The following PER2 variants were observed in gnomAD, a reference collection of about 807,000 sequenced individuals.
PER2 encodes period circadian regulator 2.
In PER2, 66 loss-of-function variants were observed where a neutral mutation model predicts 121.0. The ratio of observed to expected loss-of-function variants is 0.55; its 90% confidence interval spans 0.45 to 0.67. The LOEUF (loss-of-function observed/expected upper bound fraction) is 0.67. Ranked by LOEUF, PER2 falls within the 30% of genes least tolerant of loss-of-function variation. The probability of loss-of-function intolerance (pLI) is 0.00; values close to 1 mark genes in which losing one functional copy is unlikely to be tolerated. For synonymous variants in PER2, 684 were observed against 659.9 expected (o/e 1.04, Z -0.56); for missense variants, 1,521 against 1,635.0 (o/e 0.93, Z 1.20).
chr2:238,266,346 G>GC (rs1696112275), intron 8 of PER2, among the ~76,000 whole-genome samples: 1 of 149,786 alleles, frequency 6.7e-6, no homozygotes. Flanking sequence ...GGTCTCAAAT[G>GC]CCCAGGCTCA....
intron 22 of PER2, chr2:238,247,219 T>C (rs768844653): frequency 6.6e-6 from 1 of 152,314 alleles, no homozygotes; most frequent in South Asian, 2.1e-4. Context: ...TGACTTCTGA[T>C]TCTAGGTCCT....
chr2:238,245,647 G>T lies in PER2; in HGVS notation c.*728C>A, dbSNP rs1467776328. On this transcript the variant is annotated 3_prime_UTR_variant, in exon 23 of 23. Coordinates refer to ENST00000254657, the MANE Select transcript of PER2 (RefSeq NM_022817.3). ...CTGAAAAGGAGACAAGAATAATGCA[G>T]AAATATACAGAGGGTCTGTCTGCGT... 2 of 398,506 alleles carry T rather than the reference G, an allele frequency of 5.0e-6. No homozygotes were observed. Among genetic ancestry groups the T allele is most frequent in the Non-Finnish European group, 8.8e-6 (2 of 226,084 alleles). 24.7% of individuals were successfully genotyped at this position (398,506 alleles called of 1,614,324 possible).
At chr2:238,251,887 T>G (rs1574839882) in intron 19 of PER2, 126 bp from the exon 20 acceptor site, 4 of 827,950 alleles carry the variant, frequency 4.8e-6, no homozygotes, top group East Asian at 2.6e-5. Context: ...GGCTGCAAGG[T>G]TCACGGCCAG....
At position 238,288,003 on chromosome 2, in the gene PER2, C is replaced by T. The variant is rs111811061; in HGVS notation, c.-20+346G>A. The stretch of plus-strand genomic sequence containing the variant: ...GGTCCAGGGGAGGCAAAGGGGCGAA[C>T]ATTAGAGGGTCTCCCCGCCCTCAGG... On this transcript the variant is annotated intron_variant, in intron 1 of 22. Coordinates refer to ENST00000254657, the MANE Select transcript of PER2 (RefSeq NM_022817.3). 4.0e-3 allele frequency among the ~76,000 whole-genome samples: 612 copies of T among 152,318 alleles called. 6 individuals are homozygous for T. Among genetic ancestry groups the T allele is most frequent in the African/African-American group, 0.014 (581 of 41,574 alleles).
Position 238,277,030 on chromosome 2 carries a change from C to G in PER2, c.293+101G>C, listed in dbSNP as rs1454168551. 2.0e-5 allele frequency: 18 copies of G among 889,804 alleles called. No individual in the cohort carries two copies. The East Asian group carries it at 3.8e-4, about 19-fold the overall frequency. The allele number at this position is 889,804 out of a possible 1,614,324, so 55.1% of individuals were successfully genotyped here. A position where few individuals can be genotyped will look rare whatever the true frequency, so the allele number is the denominator to read the frequency against. On this transcript the variant is annotated intron_variant, in intron 3 of 22. Coordinates refer to ENST00000254657, the MANE Select transcript of PER2 (RefSeq NM_022817.3). The stretch of plus-strand genomic sequence containing the variant: ...ATAGCCACACAGATGGGTTTTAGCA[C>G]AGCTTAAAAAAAGCCACGTCACTCC...
chr2:238,264,493 G>A (rs761907170), intron 9 of PER2, among the ~76,000 whole-genome samples: 13 of 152,252 alleles, frequency 8.5e-5, no homozygotes, highest in Non-Finnish European at 1.5e-4. Flanking sequence ...GGAGGGAGAG[G>A]TCTTGATCCT....
Position 238,255,914 on chromosome 2 carries a change from G to A in PER2, c.2066-3C>T. The stretch of plus-strand genomic sequence containing the variant: ...ACTCGCAGCATCTTCCACCATCTCT[G>A]TAACACAAGAACCCAGGGCTCTGGT... On this transcript the variant is annotated splice_polypyrimidine_tract_variant and splice_region_variant and intron_variant, in intron 17 of 22. Transcript: ENST00000254657. 3 of 1,614,158 alleles carry A rather than the reference G, an allele frequency of 1.9e-6. No homozygotes were observed. The highest frequency in any genetic ancestry group is 1.7e-4 in the Middle Eastern group (1 of 6,058).
In PER2 at chr2:238,252,729, C is replaced by A. The variant is rs566463787; in HGVS notation, c.3111+183G>T. Among the ~76,000 whole-genome samples the A allele has an allele frequency of 1.1e-4, 17 of 152,370 alleles. No individual in the cohort carries two copies. In the South Asian group the frequency reaches 3.5e-3, roughly 32 times the overall value. Reference sequence around the variant, plus strand: ...ACGACAATAAAAGGCTTCGAATAATCTACTCTGATAGGATTAAGTGGGAAG... The same window carrying A: ...ACGACAATAAAAGGCTTCGAATAATATACTCTGATAGGATTAAGTGGGAAG... On this transcript the variant is annotated intron_variant, in intron 19 of 22. Coordinates refer to ENST00000254657, the MANE Select transcript of PER2 (RefSeq NM_022817.3). This position sits in a 1 kb window ranked among gnomAD's most constrained non-coding sequence, Gnocchi z 4.2.
At chr2:238,271,277 C>T (rs1696274665) in intron 6 of PER2, 35 bp downstream of exon 6, 1 of 1,588,764 alleles carries the variant, frequency 6.3e-7, no homozygotes, top group Non-Finnish European at 8.6e-7. Context: ...TTTCCCGACC[C>T]CAGAGGGAAC....
At chr2:238,256,182 C>G (rs1054092381) in intron 17 of PER2, among the ~76,000 whole-genome samples, 1 of 152,220 alleles carries the variant, frequency 6.6e-6, no homozygotes, top group South Asian at 2.1e-4. Context: ...GGCTTCAGCT[C>G]TGCTGCTGAA....
At chr2:238,275,029 C>T (rs1259859855) in intron 4 of PER2, among the ~76,000 whole-genome samples, 13 of 152,326 alleles carry the variant, frequency 8.5e-5, no homozygotes, top group Middle Eastern at 3.4e-3. Context: ...GCTTCAAATA[C>T]GAGTTTATAC....
In PER2 at chr2:238,249,126, T is replaced by C. The variant is rs747821680; in HGVS notation, c.3554A>G (p.Gln1185Arg). 1.9e-6 allele frequency: 3 copies of C among 1,614,214 alleles called. No individual in the cohort carries two copies. The highest frequency in any genetic ancestry group is 2.5e-6 in the Non-Finnish European group (3 of 1,180,010). ...CCACTGGTGGACCTCGCGCAGCTCCTGCTTCTGACTCTCCGTGAACCTGGG... is the reference window on the plus strand; with the variant it reads ...CCACTGGTGGACCTCGCGCAGCTCCCGCTTCTGACTCTCCGTGAACCTGGG... ...LQPRFTESQK[Q>R]ELREVHQWMQ... The change falls in exon 22 of 23, where the codon CAG becomes CGG. Residue 1185 changes from glutamine (Q) to arginine (R), a missense_variant. Coordinates refer to ENST00000254657, the MANE Select transcript of PER2 (RefSeq NM_022817.3).
intron 1 of PER2, among the ~76,000 whole-genome samples, chr2:238,282,223 T>A (rs953501272): frequency 2.6e-5 from 4 of 152,296 alleles, no homozygotes; most frequent in Admixed American, 2.6e-4. Context: ...CCACAGAGAC[T>A]CTGCACTTGC....
At chr2:238,257,414 G>A (rs1233860201) in intron 16 of PER2, among the ~76,000 whole-genome samples, 1 of 152,252 alleles carries the variant, frequency 6.6e-6, no homozygotes, top group East Asian at 1.9e-4. Flanking sequence ...CCTTCTGCAG[G>A]CCTGTGGGGA....
chr2:238,295,259 C>CCTT, the PER2 span: 2 of 151,436 alleles, frequency 1.3e-5, no homozygotes, highest in African/African-American at 4.9e-5. Flanking sequence ...TTCTCCTTCT[C>CCTT]CTTCTTTCTT....
chr2:238,246,191 T>C lies in PER2; in HGVS notation c.*184A>G, dbSNP rs2106360043. 1 of 403,842 alleles carries C rather than the reference T, an allele frequency of 2.5e-6. No individual in the cohort carries two copies. Among genetic ancestry groups the C allele is most frequent in the Non-Finnish European group, 4.4e-6 (1 of 228,158 alleles). 25.0% of individuals were successfully genotyped at this position (403,842 alleles called of 1,614,324 possible). A position where few individuals can be genotyped will look rare whatever the true frequency, so the allele number is the denominator to read the frequency against. ...TATAAAAACATATTTCTTTCCGAACTCTCCCCACTCTCCACAGTTTTAAGT... is the reference window on the plus strand; with the variant it reads ...TATAAAAACATATTTCTTTCCGAACCCTCCCCACTCTCCACAGTTTTAAGT... On this transcript the variant is annotated 3_prime_UTR_variant, in exon 23 of 23. Transcript: ENST00000254657.
At position 238,253,103 on chromosome 2, in the gene PER2, C is replaced by A. The variant is rs765379817; in HGVS notation, c.2920G>T (p.Gly974Cys). ...ATRATPPSAM[G>C]RASPPLFQSR... ...TGAAAGAGCGGTGGGGAGGCCCTAC[C>A]CATGGCCGATGGTGGGGTGGCCCGG... The change falls in exon 19 of 23, where the codon GGT becomes TGT. Residue 974 changes from glycine to cysteine, a missense_variant. Transcript: ENST00000254657. The surrounding 1 kb of genome is among the most constrained non-coding windows in gnomAD (Gnocchi z 5.6). 1.9e-6 allele frequency: 3 copies of A among 1,606,706 alleles called. No homozygotes were observed. The South Asian group carries it at 3.3e-5, about 18-fold the overall frequency.
intron 18 of PER2, 170 bp downstream of exon 18, chr2:238,255,487 G>C (rs1695732144): frequency 1.4e-6 from 1 of 732,590 alleles, no homozygotes; most frequent in African/African-American, 1.7e-5. Flanking sequence ...CACCCCCCCG[G>C]TGGGAAGTTC....
the PER2 span, chr2:238,295,296 TC>T: frequency 1.3e-5 from 1 of 79,964 alleles, no homozygotes; most frequent in Non-Finnish European, 3.3e-5. Context: ...TTCTTCTTTC[TC>T]CTTCTCCTTC....
Sources: gnomAD v4.1 joint callset for allele counts (sites outside exome capture counted in the v4.1 genomes callset) on GRCh38, gnomAD v4.1.1 for gene constraint, Gnocchi (gnomAD v3.1) non-coding constraint, MANE v1.5 for transcripts, NCBI Gene and HGNC (gene_info 2026-07-23, HGNC 2026-07-21) for gene names.